The following IL17RD variants were observed in gnomAD, a reference collection of about 807,000 sequenced individuals.
IL17RD encodes the protein interleukin 17 receptor D.
In IL17RD, 52 loss-of-function variants were observed where a neutral mutation model predicts 80.5. The observed-to-expected ratio is 0.65, with a 90% CI of 0.52 to 0.81. The LOEUF is 0.81. Among genes scored for constraint, IL17RD ranks in the 40% least tolerant of loss-of-function variants. The pLI is 0.00. For synonymous variants in IL17RD, 416 were observed against 391.8 expected (o/e 1.06, Z -0.73); for missense variants, 1,024 against 955.1 (o/e 1.07, Z -0.95).
At chr3:57,143,258 A>G (rs1707865369) in intron 1 of IL17RD, among the ~76,000 whole-genome samples, 1 of 152,206 alleles carries the variant, frequency 6.6e-6, no homozygotes, top group Non-Finnish European at 1.5e-5. Context: ...GGATGGAGGC[A>G]GGGGCAGTAT....
intron 8 of IL17RD, 106 bp from the exon 9 acceptor site, chr3:57,103,251 GGAA>G: frequency 1.1e-6 from 1 of 891,938 alleles, no homozygotes; most frequent in Non-Finnish European, 1.8e-6. Context: ...GGGCAGTGCG[GGAA>G]GGGGTGGGAA....
At chr3:57,163,785 C>CGGGGGGGGGGGGGGGGGGGG (rs57632395) in intron 1 of IL17RD, among the ~76,000 whole-genome samples, 1 of 15,966 alleles carries the variant, frequency 6.3e-5, no homozygotes. Context: ...CCTAATGGGG[C>CGGGGGGGGGGGGGGGGGGGG]GGGGGGGCGG....
rs75221554 is a variant in IL17RD, at chr3:57,141,951, G to A, written c.127-21638C>T. 8.2e-3 allele frequency among the ~76,000 whole-genome samples: 1,247 copies of A among 152,254 alleles called. 72 individuals carry two copies. The East Asian group carries it at 0.16, about 19-fold the overall frequency. On this transcript the variant is annotated intron_variant, in intron 1 of 12. Transcript: ENST00000296318. Reference sequence around the variant, plus strand: ...TTTCACCAGAGGGCACTGCATGGTAGAGGAAGCAGAACAGAGGAACAAGGA... The same window carrying A: ...TTTCACCAGAGGGCACTGCATGGTAAAGGAAGCAGAACAGAGGAACAAGGA...
Position 57,092,660 on chromosome 3 carries a change from C to T in IL17RD, c.*3733G>A, listed in dbSNP as rs1706585101. 1 of 152,058 alleles carries T rather than the reference C, an allele frequency of 6.6e-6. No individual in the cohort carries two copies. Among genetic ancestry groups the T allele is most frequent in the Non-Finnish European group, 1.5e-5 (1 of 68,026 alleles). 9.4% of individuals were successfully genotyped at this position (152,058 alleles called of 1,614,324 possible). On this transcript the variant is annotated 3_prime_UTR_variant, in exon 13 of 13. Transcript: ENST00000296318. ...AGCATAAATCTGATTCTGAAATTAA[C>T]AACTGGCTTGCCTTTCTTTTAAGAC...
In IL17RD at chr3:57,098,136, G is replaced by T. The variant is rs1706734236; in HGVS notation, c.1567C>A (p.Gln523Lys). Residue 523 changes from glutamine (Q) to lysine (K), a missense_variant, in exon 12 of 13, where the codon CAG becomes AAG. Physicochemically the swap from Gln to Lys is moderately conservative, Grantham distance 53. Transcript: ENST00000296318. ...CTTCTGCTGCCCTGTCGCGTGTGCT[G>T]CCCCGGCTCCTGGAGGCCGTGGTCT... ...SRDHGLQEPG[Q>K]HTRQGSRRNY... 6.2e-7 allele frequency: 1 copy of T among 1,613,828 alleles called. No individual in the cohort carries two copies. The highest frequency in any genetic ancestry group is 1.7e-5 in the Admixed American group (1 of 60,006).
intron 1 of IL17RD, among the ~76,000 whole-genome samples, chr3:57,135,507 C>T (rs1294749927): frequency 6.6e-6 from 1 of 152,130 alleles, no homozygotes; most frequent in Non-Finnish European, 1.5e-5. Context: ...AAATTAAGTA[C>T]AAAGAAGAAT....
At chr3:57,134,551 TG>T in intron 1 of IL17RD, 1 of 1,402,934 alleles carries the variant, frequency 7.1e-7, no homozygotes, top group Non-Finnish European at 1.0e-6. Flanking sequence ...TGGATTCTCA[TG>T]GAACACATCC....
intron 1 of IL17RD, chr3:57,134,673 A>G (rs771722262): frequency 3.0e-4 from 216 of 727,244 alleles, no homozygotes; most frequent in Non-Finnish European, 4.2e-4. Flanking sequence ...CCTACAGGCC[A>G]AGGAGGAGAT....
At chr3:57,129,018 C>T (rs1008326027) in intron 1 of IL17RD, among the ~76,000 whole-genome samples, 3 of 152,122 alleles carry the variant, frequency 2.0e-5, no homozygotes, top group African/African-American at 7.2e-5. Context: ...TAAAACATGC[C>T]TATGGACAGA....
intron 2 of IL17RD, among the ~76,000 whole-genome samples, chr3:57,119,471 G>A (rs1707287044): frequency 6.6e-6 from 1 of 152,218 alleles, no homozygotes; most frequent in Non-Finnish European, 1.5e-5. Flanking sequence ...GGAGGTTGCA[G>A]TGAGCAGAGA....
intron 1 of IL17RD, chr3:57,134,684 C>T: frequency 1.4e-6 from 1 of 719,234 alleles, no homozygotes. Flanking sequence ...AGGAGGAGAT[C>T]ATCAAGACTT....
chr3:57,134,598 C>T (rs576143958), intron 1 of IL17RD: 2 of 1,059,532 alleles, frequency 1.9e-6, no homozygotes, highest in East Asian at 4.8e-5. Flanking sequence ...CAAGAAGCTG[C>T]AGGCTGACCA....
intron 1 of IL17RD, chr3:57,142,685 C>T (rs907327247): frequency 7.8e-6 from 1 of 128,464 alleles, no homozygotes; most frequent in African/African-American, 2.8e-5. Flanking sequence ...TTGGGCGGGG[C>T]GGGGGGGAGG....
At chr3:57,169,117 C>A, upstream of IL17RD, 1 of 420,178 alleles carries the variant, frequency 2.4e-6, no homozygotes, top group Non-Finnish European at 4.8e-6. Context: ...GGGGACCAGG[C>A]CCCACATGCC....
chr3:57,165,229 C>G lies in IL17RD; in HGVS notation c.58G>C (p.Gly20Arg), dbSNP rs1405892806. Residue 20 changes from glycine (G) to arginine (R), a missense_variant, in exon 1 of 13, where the codon GGC (glycine) becomes CGC (arginine). Physicochemically the swap from Gly to Arg is moderately radical, Grantham distance 125. Coordinates refer to ENST00000296318, the MANE Select transcript of IL17RD (RefSeq NM_017563.5). ...VFFTVNACLNGSQLAVAAGGS... is the reference protein window; with the variant it reads ...VFFTVNACLNRSQLAVAAGGS... Reference sequence around the variant, plus strand: ...CCAGCGGCCACAGCCAGCTGCGAGCCGTTGAGGCAGGCGTTGACCGTAAAG... The same window carrying G: ...CCAGCGGCCACAGCCAGCTGCGAGCGGTTGAGGCAGGCGTTGACCGTAAAG... 11 of 1,531,374 alleles carry G rather than the reference C, an allele frequency of 7.2e-6. No homozygotes were observed. The Admixed American group carries it at 1.6e-4, about 22-fold the overall frequency. 94.9% of individuals were successfully genotyped at this position (1,531,374 alleles called of 1,614,324 possible).
Position 57,091,717 on chromosome 3 carries a change from C to T in IL17RD, c.*4676G>A, listed in dbSNP as rs1706559548. The T allele has an allele frequency of 6.6e-6, 1 of 152,420 alleles. No individual in the cohort carries two copies. Among genetic ancestry groups the T allele is most frequent in the Admixed American group, 6.5e-5 (1 of 15,278 alleles). The allele number at this position is 152,420 out of a possible 1,614,324, so 9.4% of individuals were successfully genotyped here. Reference sequence around the variant, plus strand: ...TGTTCTTTCTCCACTACAAGCCGAACAAAAGGAAGCTGGCTTGAATTTCTC... The same window carrying T: ...TGTTCTTTCTCCACTACAAGCCGAATAAAAGGAAGCTGGCTTGAATTTCTC... On this transcript the variant is annotated 3_prime_UTR_variant, in exon 13 of 13. Transcript: ENST00000296318.
At chr3:57,140,153 A>C (rs1011443232) in intron 1 of IL17RD, among the ~76,000 whole-genome samples, 1 of 152,174 alleles carries the variant, frequency 6.6e-6, no homozygotes, top group Non-Finnish European at 1.5e-5. Context: ...AATCTCCCAC[A>C]TTATGGAGAA....
At chr3:57,127,412 A>ATTTTTTTTTT (rs58398251) in intron 1 of IL17RD, among the ~76,000 whole-genome samples, 4 of 91,216 alleles carry the variant, frequency 4.4e-5, no homozygotes, top group African/African-American at 2.0e-4. Flanking sequence ...ATATATATAT[A>ATTTTTTTTTT]TTTTTTTTTT....
rs749668580 is a variant in IL17RD, at chr3:57,097,935, C to G, written c.1768G>C (p.Asp590His). Reference sequence around the variant, plus strand: ...TCAGGCCCTGGTTTGCACATGACATCATTTAAAACCAAGCCCGAATCAAAT... The same window carrying G: ...TCAGGCCCTGGTTTGCACATGACATGATTTAAAACCAAGCCCGAATCAAAT... ...EKFDSGLVLNDVMCKPGPESD... is the reference protein window; with the variant it reads ...EKFDSGLVLNHVMCKPGPESD... Residue 590 changes from aspartate to histidine, a missense_variant, in exon 12 of 13, where the codon GAT becomes CAT. By Grantham distance (81) the Asp-to-His change is moderately conservative. Transcript: ENST00000296318. The G allele has an allele frequency of 1.1e-5, 18 of 1,613,920 alleles. No homozygotes were observed. In the East Asian group the frequency reaches 4.0e-4, roughly 36 times the overall value.
Sources: gnomAD v4.1 joint callset for allele counts (sites outside exome capture counted in the v4.1 genomes callset) on GRCh38, gnomAD v4.1.1 for gene constraint, MANE v1.5 for transcripts, NCBI Gene and HGNC (gene_info 2026-07-23, HGNC 2026-07-21) for gene names.